The following SCHIP1 variants were observed in gnomAD, a reference collection of about 807,000 sequenced individuals.
SCHIP1 encodes the protein schwannomin-interacting protein 1.
In SCHIP1, 8 loss-of-function variants were observed where a neutral mutation model predicts 29.7. The observed-to-expected ratio is 0.27, with a 90% CI of 0.16 to 0.49. The LOEUF is 0.49. Among genes scored for constraint, SCHIP1 ranks in the 20% least tolerant of loss-of-function variants. The pLI is 0.99. For synonymous variants in SCHIP1, 76 were observed against 94.9 expected (o/e 0.80, Z 1.16); for missense variants, 193 against 294.6 (o/e 0.66, Z 2.52).
At chr3:159,496,254 G>A in the SCHIP1 span, among the ~76,000 whole-genome samples, 1 of 152,164 alleles carries the variant, frequency 6.6e-6, no homozygotes, top group Non-Finnish European at 1.5e-5. Flanking sequence ...ATTGACAAAT[G>A]GGATCTAATT....
At chr3:159,570,368 G>T in the SCHIP1 span, among the ~76,000 whole-genome samples, 1 of 152,156 alleles carries the variant, frequency 6.6e-6, no homozygotes, top group Non-Finnish European at 1.5e-5. Context: ...CATATGGCTA[G>T]CCAGTTTTCC....
chr3:159,450,941 T>C, the SCHIP1 span, among the ~76,000 whole-genome samples: 1 of 151,692 alleles, frequency 6.6e-6, no homozygotes, highest in African/African-American at 2.4e-5. Context: ...CCTGAGTAGC[T>C]GGGACTACAG....
At chr3:159,274,883 T>C in the SCHIP1 span, 1 of 647,858 alleles carries the variant, frequency 1.5e-6, no homozygotes, top group Non-Finnish European at 1.9e-6. Flanking sequence ...TTATTTCCTT[T>C]AGTAGTTTTC....
the SCHIP1 span, among the ~76,000 whole-genome samples, chr3:159,658,715 T>G: frequency 1.3e-5 from 2 of 152,218 alleles, no homozygotes; most frequent in African/African-American, 4.8e-5. Flanking sequence ...AGCCTGGACA[T>G]GCCACCCAAA....
At chr3:159,740,104 G>A in the SCHIP1 span, among the ~76,000 whole-genome samples, 2 of 152,162 alleles carry the variant, frequency 1.3e-5, no homozygotes, top group African/African-American at 4.8e-5. Flanking sequence ...CACAGCAAGT[G>A]GCCCCCAGAC....
At chr3:159,849,090 A>G (rs771645786) in intron 1 of SCHIP1, among the ~76,000 whole-genome samples, 1 of 152,100 alleles carries the variant, frequency 6.6e-6, no homozygotes, top group Non-Finnish European at 1.5e-5. Flanking sequence ...GAGGAGTGGA[A>G]TGGTCTTTTA....
chr3:159,475,457 G>A, the SCHIP1 span, among the ~76,000 whole-genome samples: 1 of 152,104 alleles, frequency 6.6e-6, no homozygotes, highest in Admixed American at 6.6e-5. Context: ...AATAGGTATA[G>A]GGTTTTTTTG....
At chr3:159,295,747 A>G in the SCHIP1 span, among the ~76,000 whole-genome samples, 1 of 152,162 alleles carries the variant, frequency 6.6e-6, no homozygotes, top group Non-Finnish European at 1.5e-5. Flanking sequence ...TTAAAACTAT[A>G]TATGCTTATG....
At chr3:159,340,516 A>G in the SCHIP1 span, among the ~76,000 whole-genome samples, 16 of 152,304 alleles carry the variant, frequency 1.1e-4, no homozygotes, top group East Asian at 2.7e-3. Flanking sequence ...TTTTATGTAG[A>G]GAAATAAAAT....
the SCHIP1 span, among the ~76,000 whole-genome samples, chr3:159,393,693 AC>A: frequency 6.6e-6 from 1 of 150,752 alleles, no homozygotes; most frequent in African/African-American, 2.4e-5. Flanking sequence ...TGGTACCAGT[AC>A]CATGCTGTTT....
At chr3:159,718,418 G>A in the SCHIP1 span, among the ~76,000 whole-genome samples, 2 of 152,072 alleles carry the variant, frequency 1.3e-5, no homozygotes, top group African/African-American at 2.4e-5. Flanking sequence ...AGGGTATTCA[G>A]TTAGGAAAAG....
chr3:159,813,947 A>G, the SCHIP1 span, among the ~76,000 whole-genome samples: 1 of 152,162 alleles, frequency 6.6e-6, no homozygotes, highest in Non-Finnish European at 1.5e-5. Context: ...AACTATCCAG[A>G]CCTGAGAGTT....
chr3:159,625,227 T>C, the SCHIP1 span, among the ~76,000 whole-genome samples: 3 of 152,168 alleles, frequency 2.0e-5, no homozygotes, highest in African/African-American at 7.2e-5. Flanking sequence ...GGCCTCACTT[T>C]GAATCTCTGA....
At chr3:159,731,369 C>T in the SCHIP1 span, among the ~76,000 whole-genome samples, 2 of 152,218 alleles carry the variant, frequency 1.3e-5, no homozygotes, top group African/African-American at 2.4e-5. Flanking sequence ...AGCACATCCT[C>T]GTCCCTGCCA....
chr3:159,887,470 T>G (rs960621020), intron 3 of SCHIP1: 1 of 466,754 alleles, frequency 2.1e-6, no homozygotes, highest in South Asian at 3.0e-5. Context: ...ATTTCAAGGT[T>G]GTTGTAAATA....
chr3:159,732,463 C>T, the SCHIP1 span, among the ~76,000 whole-genome samples: 1 of 152,194 alleles, frequency 6.6e-6, no homozygotes, highest in Admixed American at 6.5e-5. Flanking sequence ...TAATCGTTCT[C>T]ATGGCGGGTT....
chr3:159,506,054 T>C, the SCHIP1 span, among the ~76,000 whole-genome samples: 5 of 152,324 alleles, frequency 3.3e-5, no homozygotes, highest in Non-Finnish European at 7.4e-5. Flanking sequence ...CACTGACTTC[T>C]ACAATGGTTG....
the SCHIP1 span, among the ~76,000 whole-genome samples, chr3:159,824,362 G>A: frequency 1.3e-5 from 2 of 152,216 alleles, no homozygotes; most frequent in Non-Finnish European, 2.9e-5. Context: ...GCCTTGAGAT[G>A]AGGAAAGAAA....
At chr3:159,627,033 GC>G in the SCHIP1 span, among the ~76,000 whole-genome samples, 1 of 151,966 alleles carries the variant, frequency 6.6e-6, no homozygotes, top group South Asian at 2.1e-4. Flanking sequence ...CCCTCCCTTT[GC>G]CCCCACCCCG....
Sources: allele counts gnomAD v4.1 joint callset (sites outside exome capture counted in the v4.1 genomes callset), GRCh38; gene constraint gnomAD v4.1.1; transcripts MANE v1.5; gene names NCBI Gene and HGNC (gene_info 2026-07-23, HGNC 2026-07-21).